The following PTPRD variants were observed in gnomAD, a reference collection of about 807,000 sequenced individuals.
The protein encoded by PTPRD is protein tyrosine phosphatase receptor type D.
Under a neutral mutation model 214.5 loss-of-function variants are expected in PTPRD, and 34 were observed. The observed-to-expected ratio is 0.16, with a 90% confidence interval of 0.12 to 0.21. The LOEUF (loss-of-function observed/expected upper bound fraction) is 0.21, where lower values mean the gene tolerates loss of function less well. Ranked by LOEUF, PTPRD falls within the 10% of genes least tolerant of loss-of-function variation. The probability of loss-of-function intolerance (pLI) is 1.00; values close to 1 mark genes in which losing one functional copy is unlikely to be tolerated. For missense variants in PTPRD, 2,545 were observed against 2,398.7 expected (o/e 1.06, Z -1.27); for synonymous variants, 1,128 against 845.7 (o/e 1.33, Z -5.79).
At chr9:10,020,176 C>T (rs1018439527) in intron 4 of PTPRD, among the ~76,000 whole-genome samples, 3 of 152,148 alleles carry the variant, frequency 2.0e-5, no homozygotes, top group Non-Finnish European at 4.4e-5. Context: ...TATAACCAAA[C>T]AGTATTTTTA....
rs187924502 is a variant in PTPRD at position 10,199,837 on chromosome 9, A to C, written c.-545+141126T>G. On this transcript the variant is annotated intron_variant, in intron 3 of 45. Transcript: ENST00000381196. ...CAAAACTATAAACATTGATATCATT[A>C]AAGTAAAAAGATGGAGGCAATACCA... 3.0e-4 allele frequency among the ~76,000 whole-genome samples: 45 copies of C among 151,992 alleles called. No individual in the cohort carries two copies. In the East Asian group the frequency reaches 6.8e-3, roughly 23 times the overall value.
At chr9:8,906,180 C>T (rs559927930) in intron 11 of PTPRD, among the ~76,000 whole-genome samples, 1 of 152,106 alleles carries the variant, frequency 6.6e-6, no homozygotes, top group Non-Finnish European at 1.5e-5. Context: ...TAATTTTATC[C>T]TTTTGAGTGC....
intron 36 of PTPRD, 31 bp from the exon 37 acceptor site, chr9:8,389,438 T>G (rs1039224333): frequency 1.3e-6 from 2 of 1,571,964 alleles, no homozygotes; most frequent in Non-Finnish European, 1.7e-6. Flanking sequence ...TTCAACCAGG[T>G]GAGCACATCA....
At chr9:10,143,953 A>G (rs2099005491) in intron 3 of PTPRD, among the ~76,000 whole-genome samples, 1 of 152,088 alleles carries the variant, frequency 6.6e-6, no homozygotes, top group Admixed American at 6.6e-5. Flanking sequence ...ATTAGGTACA[A>G]TGCTCACTAT....
chr9:8,926,061 T>A (rs1421939280), intron 11 of PTPRD, among the ~76,000 whole-genome samples: 1 of 151,994 alleles, frequency 6.6e-6, no homozygotes, highest in Admixed American at 6.6e-5. Context: ...AAGTACCACC[T>A]CTTGCCATGC....
intron 2 of PTPRD, among the ~76,000 whole-genome samples, chr9:10,346,698 G>T (rs2097090112): frequency 6.6e-6 from 1 of 152,166 alleles, no homozygotes; most frequent in Admixed American, 6.6e-5. Flanking sequence ...CCCCATGCCT[G>T]TAAACTGATC....
chr9:9,488,290 G>C lies in PTPRD; in HGVS notation c.-237+86442C>G, dbSNP rs150125067. Among the ~76,000 whole-genome samples the C allele has an allele frequency of 6.5e-3, 983 of 152,294 alleles. 11 individuals carry two copies. Among genetic ancestry groups the C allele is most frequent in the African/African-American group, 0.022 (909 of 41,562 alleles). On this transcript the variant is annotated intron_variant, in intron 8 of 45. Transcript: ENST00000381196. ...GTTACTGCTACAGTAATTCTTTGGT[G>C]TAATTCCACAGTTTAATGTATTAGT...
chr9:9,121,467 T>TAC (rs1193610011), intron 10 of PTPRD, among the ~76,000 whole-genome samples: 3 of 151,984 alleles, frequency 2.0e-5, no homozygotes, highest in African/African-American at 2.4e-5. Context: ...TATATATATA[T>TAC]ACACGATAGA....
chr9:10,202,597 G>A (rs1379643755), intron 3 of PTPRD, among the ~76,000 whole-genome samples: 1 of 147,822 alleles, frequency 6.8e-6, no homozygotes, highest in African/African-American at 2.5e-5. Flanking sequence ...AGTCATTTAG[G>A]AAGTTAAAAG....
At chr9:10,102,397 G>T (rs556356774) in intron 3 of PTPRD, among the ~76,000 whole-genome samples, 1 of 133,852 alleles carries the variant, frequency 7.5e-6, no homozygotes, top group South Asian at 2.3e-4. Flanking sequence ...TTGCTAGAAG[G>T]ATGTCAATAT....
At chr9:8,376,202 C>T (rs192786546) in intron 38 of PTPRD, 112 bp from the exon 39 acceptor site, 47 of 1,227,542 alleles carry the variant, frequency 3.8e-5, no homozygotes, top group Non-Finnish European at 5.0e-5. Context: ...CTTTCTACCA[C>T]CCTGTAGCCT....
intron 44 of PTPRD, among the ~76,000 whole-genome samples, chr9:8,329,772 G>A (rs1183928738): frequency 1.3e-5 from 2 of 152,140 alleles, no homozygotes; most frequent in Non-Finnish European, 2.9e-5. Flanking sequence ...AGTGGACTCA[G>A]CCCTGTTTGA....
intron 9 of PTPRD, among the ~76,000 whole-genome samples, chr9:9,204,422 G>A (rs1022692181): frequency 6.6e-6 from 1 of 152,086 alleles, no homozygotes; most frequent in African/African-American, 2.4e-5. Context: ...AGGAGACCAA[G>A]TCAGCTAGTT....
At chr9:9,826,252 C>A (rs1311397093) in intron 5 of PTPRD, among the ~76,000 whole-genome samples, 1 of 151,704 alleles carries the variant, frequency 6.6e-6, no homozygotes, top group Non-Finnish European at 1.5e-5. Flanking sequence ...CTCTTATCTT[C>A]TTTCTAGTTC....
At chr9:8,897,994 T>C (rs1587645695) in intron 11 of PTPRD, among the ~76,000 whole-genome samples, 1 of 152,204 alleles carries the variant, frequency 6.6e-6, no homozygotes, top group Non-Finnish European at 1.5e-5. Flanking sequence ...TCAACATTCA[T>C]GACACATTTT....
intron 3 of PTPRD, among the ~76,000 whole-genome samples, chr9:10,048,681 T>C (rs941271869): frequency 6.6e-6 from 1 of 152,052 alleles, no homozygotes; most frequent in Non-Finnish European, 1.5e-5. Flanking sequence ...GCAAGGAAAG[T>C]AGTTTCCTAT....
rs573590640 is a variant in PTPRD, at chr9:9,322,727, CA to C, written c.-203+74721del. On this transcript the variant is annotated intron_variant, in intron 9 of 45. Transcript: ENST00000381196. ...TGAGGGAATTTAGCACTTGTGGTTT[CA>C]ACCGTTTTGTAGAGACTTCAAGGGT... Among the ~76,000 whole-genome samples, 272 of 152,178 alleles carry C rather than the reference CA, an allele frequency of 1.8e-3. 1 individual carries two copies. The highest frequency in any genetic ancestry group is 6.4e-3 in the African/African-American group (265 of 41,510).
chr9:10,340,418 T>C (rs1465677170), intron 3 of PTPRD, among the ~76,000 whole-genome samples: 3 of 151,912 alleles, frequency 2.0e-5, no homozygotes, highest in Non-Finnish European at 2.9e-5. Flanking sequence ...CAGCTGGCTA[T>C]ATCACACCAG....
At chr9:8,968,424 C>G (rs1278101518) in intron 11 of PTPRD, among the ~76,000 whole-genome samples, 1 of 151,446 alleles carries the variant, frequency 6.6e-6, no homozygotes, top group East Asian at 2.0e-4. Context: ...CTGTTGTTTC[C>G]TGACTTTTTA....
Sources: allele counts gnomAD v4.1 joint callset (sites outside exome capture counted in the v4.1 genomes callset), GRCh38; gene constraint gnomAD v4.1.1; transcripts MANE v1.5; gene names NCBI Gene and HGNC (gene_info 2026-07-23, HGNC 2026-07-21).